Variants in CUBN observed in about 807,000 individuals in gnomAD.
CUBN encodes 460 kDa receptor.
CUBN carries 282 observed loss-of-function variants against 405.3 expected under a neutral mutation model. That is an observed-to-expected ratio of 0.70 (90% confidence interval 0.63 to 0.77). The LOEUF (loss-of-function observed/expected upper bound fraction) is 0.77, where lower values mean the gene tolerates loss of function less well. CUBN is among the 30% of genes least tolerant of loss of function. The pLI is 0.00. For missense variants in CUBN, 4,514 were observed against 4,475.2 expected (o/e 1.01, Z -0.25); for synonymous variants, 1,684 against 1,617.0 (o/e 1.04, Z -0.99).
intron 41 of CUBN, among the ~76,000 whole-genome samples, chr10:16,926,520 C>T (rs1399390441): frequency 1.3e-5 from 2 of 151,818 alleles, no homozygotes; most frequent in East Asian, 1.9e-4. Context: ...AGGAGGGGAC[C>T]GCCTGAGGCC....
At chr10:17,055,844 C>A (rs1835381841) in intron 22 of CUBN, among the ~76,000 whole-genome samples, 1 of 151,998 alleles carries the variant, frequency 6.6e-6, no homozygotes, top group Non-Finnish European at 1.5e-5. Context: ...CCTTTATCCC[C>A]AAATTGGTCT....
chr10:16,990,363 G>A lies in CUBN; in HGVS notation c.4321C>T (p.His1441Tyr). 1.2e-6 allele frequency: 2 copies of A among 1,614,164 alleles called. No homozygotes were observed. The highest frequency in any genetic ancestry group is 8.5e-7 in the Non-Finnish European group (1 of 1,180,022). The change falls in exon 29 of 67, where the codon CAT becomes TAT. Residue 1441 changes from histidine (H) to tyrosine (Y), a missense_variant. Transcript: ENST00000377833. ...AAGACATCAAAGTTGCACCTTGAAT[G>A]ATACTCCACATCGAAGTCATGGATG... ...LTIHDFDVEY[H>Y]SRCNFDVLEI...
intron 11 of CUBN, among the ~76,000 whole-genome samples, chr10:17,105,216 T>C (rs1450628774): frequency 1.3e-5 from 2 of 152,222 alleles, no homozygotes; most frequent in East Asian, 3.8e-4. Flanking sequence ...GTCAGATTTA[T>C]TTAGATCAAA....
In CUBN at chr10:16,886,737, A is replaced by G. The variant is rs184860933; in HGVS notation, c.8905+1680T>C. Reference sequence around the variant, plus strand: ...GAGAAGATGAAGATGACCGAGATGGAGCAGAAGAAAGAACGCCCAATGGTA... The same window carrying G: ...GAGAAGATGAAGATGACCGAGATGGGGCAGAAGAAAGAACGCCCAATGGTA... On this transcript the variant is annotated intron_variant, in intron 56 of 66. Coordinates refer to ENST00000377833, the MANE Select transcript of CUBN (RefSeq NM_001081.4). Among the ~76,000 whole-genome samples, 41 of 152,334 alleles carry G rather than the reference A, an allele frequency of 2.7e-4. 1 individual carries two copies. Among genetic ancestry groups the G allele is most frequent in the Admixed American group, 2.5e-3 (38 of 15,306 alleles).
intron 13 of CUBN, among the ~76,000 whole-genome samples, chr10:17,101,230 T>C (rs1187670033): frequency 1.3e-5 from 2 of 152,188 alleles, no homozygotes; most frequent in East Asian, 1.9e-4. Context: ...TTCTACCATA[T>C]TATGTCCATT....
chr10:17,101,652 T>C (rs1335869002), intron 13 of CUBN, among the ~76,000 whole-genome samples: 1 of 152,196 alleles, frequency 6.6e-6, no homozygotes, highest in Non-Finnish European at 1.5e-5. Context: ...TATTTAGAAA[T>C]GCCTGGGTAA....
chr10:17,058,524 C>T (rs779778792), intron 22 of CUBN, among the ~76,000 whole-genome samples: 1 of 152,002 alleles, frequency 6.6e-6, no homozygotes, highest in Non-Finnish European at 1.5e-5. Flanking sequence ...TTTGAAGGGA[C>T]CCCTGCTACA....
chr10:16,990,466 C>T lies in CUBN; in HGVS notation c.4218G>A (p.Gly1406=). Residue 1406 remains glycine, a synonymous_variant, in exon 29 of 67, where the codon GGG becomes GGA. Transcript: ENST00000377833. ...SGATGSFSSP[G]FPNRYPPNKE... ...TGTTTGGTGGATACCTGTTGGGGAACCCGGGGCTGCTGAAGGAGCCTGTGG... is the reference window on the plus strand; with the variant it reads ...TGTTTGGTGGATACCTGTTGGGGAATCCGGGGCTGCTGAAGGAGCCTGTGG... 1.2e-6 allele frequency: 2 copies of T among 1,614,176 alleles called. No homozygotes were observed. Among genetic ancestry groups the T allele is most frequent in the Non-Finnish European group, 1.7e-6 (2 of 1,180,036 alleles).
intron 28 of CUBN, among the ~76,000 whole-genome samples, chr10:17,019,422 C>G (rs1420656719): frequency 2.0e-5 from 3 of 152,094 alleles, no homozygotes; most frequent in African/African-American, 7.2e-5. Context: ...TCTTTCTAGT[C>G]TATCCCTACC....
chr10:16,862,984 G>T (rs1369006421), intron 59 of CUBN, among the ~76,000 whole-genome samples: 1 of 152,206 alleles, frequency 6.6e-6, no homozygotes, highest in African/African-American at 2.4e-5. Flanking sequence ...AAGACCAGGA[G>T]TGGCAATCTA....
rs539650481 is a variant in CUBN at position 16,859,963 on chromosome 10, C to T, written c.9455-8520G>A. 8.3e-4 allele frequency among the ~76,000 whole-genome samples: 127 copies of T among 152,124 alleles called. 1 individual carries two copies. The highest frequency in any genetic ancestry group is 1.5e-3 in the Non-Finnish European group (105 of 67,962). On this transcript the variant is annotated intron_variant, in intron 59 of 66. Coordinates refer to ENST00000377833, the MANE Select transcript of CUBN (RefSeq NM_001081.4). ...TCCTTGGATTGATTATTGATTATAA[C>T]ATGATAAAAGTATCAACTTTAAATT... is the stretch of plus-strand genomic sequence containing the variant.
Position 17,122,773 on chromosome 10 carries a change from CAAAAA to C in CUBN, c.593+17_593+21del. On this transcript the variant is annotated intron_variant, in intron 6 of 66. Coordinates refer to ENST00000377833, the MANE Select transcript of CUBN (RefSeq NM_001081.4). ...CCTTCAAAAATATACTGATATTTAC[CAAAAA>C]AAAAAAAAAAAGTTACCTGTAACTT... 11 of 1,273,602 alleles carry C rather than the reference CAAAAA, an allele frequency of 8.6e-6. No individual in the cohort carries two copies. The highest frequency in any genetic ancestry group is 1.2e-5 in the Non-Finnish European group (11 of 903,552). 78.9% of individuals were successfully genotyped at this position (1,273,602 alleles called of 1,614,324 possible). A position where few individuals can be genotyped will look rare whatever the true frequency, so the allele number is the denominator to read the frequency against.
intron 27 of CUBN, among the ~76,000 whole-genome samples, chr10:17,020,599 T>C (rs550875523): frequency 6.6e-6 from 1 of 152,318 alleles, no homozygotes; most frequent in South Asian, 2.1e-4. Flanking sequence ...AATATTTCAT[T>C]AAATCCAAAA....
intron 52 of CUBN, 134 bp downstream of exon 52, chr10:16,901,204 A>G: frequency 7.9e-7 from 1 of 1,259,468 alleles, no homozygotes; most frequent in Non-Finnish European, 1.2e-6. Flanking sequence ...AATGTTAGGG[A>G]AAAACAGTGA....
chr10:17,060,068 C>T (rs2131836373), intron 22 of CUBN, among the ~76,000 whole-genome samples: 1 of 151,016 alleles, frequency 6.6e-6, no homozygotes, highest in East Asian at 2.0e-4. Flanking sequence ...AAAATATGAA[C>T]CCAAGTTCCC....
chr10:16,961,825 C>A (rs1425267564), intron 31 of CUBN, among the ~76,000 whole-genome samples: 3 of 150,542 alleles, frequency 2.0e-5, no homozygotes, highest in Admixed American at 1.3e-4. Context: ...CATTCTCCTG[C>A]CTCAGCCTCC....
chr10:16,993,287 T>C (rs1833644568), intron 28 of CUBN, among the ~76,000 whole-genome samples: 1 of 152,268 alleles, frequency 6.6e-6, no homozygotes. Context: ...TTTCTGCATT[T>C]TTATTTAGCA....
intron 58 of CUBN, 53 bp downstream of exon 58, chr10:16,874,321 C>G (rs1840441256): frequency 6.3e-7 from 1 of 1,597,536 alleles, no homozygotes; most frequent in Non-Finnish European, 8.6e-7. Flanking sequence ...AATGGCTCTT[C>G]TATAAATAAT....
At chr10:16,939,989 A>G in intron 37 of CUBN, 43 bp downstream of exon 37, 1 of 1,427,152 alleles carries the variant, frequency 7.0e-7, no homozygotes, top group Non-Finnish European at 9.9e-7. Context: ...TCTAGTTTGT[A>G]AGACATATTC....
Sources: gnomAD v4.1 joint callset for allele counts (sites outside exome capture counted in the v4.1 genomes callset) on GRCh38, gnomAD v4.1.1 for gene constraint, MANE v1.5 for transcripts, NCBI Gene and HGNC (gene_info 2026-07-23, HGNC 2026-07-21) for gene names.